Variants in ENOX1 observed in about 807,000 individuals in gnomAD.
The protein encoded by ENOX1 is ecto-NOX disulfide-thiol exchanger 1, also known as candidate growth-related and time keeping constitutive hydroquinone (NADH) oxidase.
In ENOX1, 42 loss-of-function variants were observed where a neutral mutation model predicts 82.5. That is an observed-to-expected ratio of 0.51 (90% CI 0.40 to 0.66). The LOEUF (loss-of-function observed/expected upper bound fraction) is 0.66. Among genes scored for constraint, ENOX1 ranks in the 30% least tolerant of loss-of-function variants. The pLI is 0.00. For synonymous variants in ENOX1, 271 were observed against 282.2 expected (o/e 0.96, Z 0.40); for missense variants, 608 against 811.6 (o/e 0.75, Z 3.05).
chr13:43,264,739 G>A (rs1387278230), intron 14 of ENOX1, among the ~76,000 whole-genome samples: 2 of 152,132 alleles, frequency 1.3e-5, no homozygotes, highest in African/African-American at 4.8e-5. Flanking sequence ...CATATGGAGA[G>A]GCAATGATCT....
chr13:43,262,161 A>T (rs2044109715), intron 14 of ENOX1, among the ~76,000 whole-genome samples: 1 of 152,180 alleles, frequency 6.6e-6, no homozygotes, highest in African/African-American at 2.4e-5. Flanking sequence ...AAACTAAAAT[A>T]AAGCGTTAAT....
At chr13:43,392,973 T>A (rs1409602513) in intron 5 of ENOX1, among the ~76,000 whole-genome samples, 5 of 152,194 alleles carry the variant, frequency 3.3e-5, no homozygotes, top group African/African-American at 1.2e-4. Flanking sequence ...TGGAGTGGGA[T>A]GGGTCCCTAT....
At chr13:43,514,794 G>A (rs747185275) in intron 2 of ENOX1, among the ~76,000 whole-genome samples, 6 of 152,096 alleles carry the variant, frequency 3.9e-5, no homozygotes, top group African/African-American at 4.8e-5. Flanking sequence ...TATGTCTGCT[G>A]AGCATTGGAA....
chr13:43,404,638 T>A (rs1240417790), intron 5 of ENOX1, among the ~76,000 whole-genome samples: 4 of 152,226 alleles, frequency 2.6e-5, no homozygotes, highest in African/African-American at 9.6e-5. Context: ...TTTGATAACA[T>A]CTTCTTTAGA....
intron 12 of ENOX1, among the ~76,000 whole-genome samples, chr13:43,270,952 G>C (rs1294395776): frequency 6.6e-6 from 1 of 152,120 alleles, no homozygotes; most frequent in Non-Finnish European, 1.5e-5. Flanking sequence ...TTGCACTTTG[G>C]CACAGTGACA....
Position 43,285,718 on chromosome 13 carries a change from T to TAGAATA in ENOX1, c.1446+12622_1446+12627dup, listed in dbSNP as rs568936128. On this transcript the variant is annotated intron_variant, in intron 12 of 16. Coordinates refer to ENST00000690772, the MANE Select transcript of ENOX1 (RefSeq NM_001347969.2). ...CACTCAGGAGGCTGAGGCAGGAGAA[T>TAGAATA]AGAATAGCTTGGACCTGGTAGGCAG... Among the ~76,000 whole-genome samples the TAGAATA allele has an allele frequency of 3.6e-3, 497 of 139,822 alleles. 5 individuals carry two copies. The highest frequency in any genetic ancestry group is 3.0e-3 in the South Asian group (14 of 4,606). 91.7% of individuals were successfully genotyped at this position (139,822 alleles called of 152,430 possible).
At chr13:43,492,241 T>C (rs762183036) in intron 2 of ENOX1, among the ~76,000 whole-genome samples, 2 of 152,190 alleles carry the variant, frequency 1.3e-5, no homozygotes, top group Non-Finnish European at 2.9e-5. Flanking sequence ...CTTGGAAATA[T>C]ATTCTGCCCC....
intron 2 of ENOX1, chr13:43,545,780 CAGA>C (rs1417007143): frequency 6.6e-6 from 1 of 152,212 alleles, no homozygotes; most frequent in Admixed American, 6.5e-5. Flanking sequence ...AAAGATGTTT[CAGA>C]AGAAGATGTC....
chr13:43,299,315 A>G (rs1250689346), intron 11 of ENOX1, among the ~76,000 whole-genome samples: 1 of 152,164 alleles, frequency 6.6e-6, no homozygotes, highest in Non-Finnish European at 1.5e-5. Context: ...GGTACCAAAC[A>G]AAGATTGAGG....
intron 14 of ENOX1, among the ~76,000 whole-genome samples, chr13:43,242,834 C>A (rs1163694448): frequency 6.6e-6 from 1 of 152,188 alleles, no homozygotes; most frequent in African/African-American, 2.4e-5. Flanking sequence ...TGTAAAGCTT[C>A]ATTTAAAGAA....
chr13:43,450,066 G>T (rs1047961208), intron 3 of ENOX1, among the ~76,000 whole-genome samples: 1 of 152,192 alleles, frequency 6.6e-6, no homozygotes, highest in Non-Finnish European at 1.5e-5. Flanking sequence ...CAAAGCTTGT[G>T]CTTAAGGAGT....
At chr13:43,289,889 T>C (rs1398991617) in intron 12 of ENOX1, among the ~76,000 whole-genome samples, 1 of 151,826 alleles carries the variant, frequency 6.6e-6, no homozygotes. Context: ...AAAAGCCAAA[T>C]AACCCCATTA....
At chr13:43,632,597 C>T (rs2083265012) in intron 2 of ENOX1, among the ~76,000 whole-genome samples, 2 of 151,930 alleles carry the variant, frequency 1.3e-5, no homozygotes. Flanking sequence ...AGGCGCCTGC[C>T]ACCATGTCCA....
At chr13:43,745,334 A>C (rs751804261) in intron 1 of ENOX1, among the ~76,000 whole-genome samples, 1 of 152,238 alleles carries the variant, frequency 6.6e-6, no homozygotes, top group Admixed American at 6.5e-5. Context: ...AGAAAATAAC[A>C]TTAAATGAAA....
chr13:43,545,405 ATC>A (rs1281841703), intron 2 of ENOX1: 2 of 152,190 alleles, frequency 1.3e-5, no homozygotes, highest in African/African-American at 4.8e-5. Context: ...CACAAAAATC[ATC>A]TTTTTGTAAA....
intron 1 of ENOX1, among the ~76,000 whole-genome samples, chr13:43,773,338 ATTTCACCTCATT>A (rs774427702): frequency 4.6e-5 from 7 of 152,214 alleles, no homozygotes; most frequent in Admixed American, 2.0e-4. Context: ...TGTCATGTGA[ATTTCACCTCATT>A]TTTTTTACAT....
chr13:43,341,901 T>A (rs2049087384), intron 9 of ENOX1, among the ~76,000 whole-genome samples: 1 of 152,188 alleles, frequency 6.6e-6, no homozygotes, highest in South Asian at 2.1e-4. Flanking sequence ...GGAAGTTGGC[T>A]GGGGATGGAT....
chr13:43,696,423 G>A (rs2086642336), intron 1 of ENOX1, among the ~76,000 whole-genome samples: 1 of 152,144 alleles, frequency 6.6e-6, no homozygotes, highest in Non-Finnish European at 1.5e-5. Context: ...ATATATTTTG[G>A]TTCCTTCTGT....
At chr13:43,780,230 A>G (rs970695717) in intron 1 of ENOX1, among the ~76,000 whole-genome samples, 1 of 152,062 alleles carries the variant, frequency 6.6e-6, no homozygotes, top group African/African-American at 2.4e-5. Context: ...TATATGGTAA[A>G]TGCCCAACAA....
Sources: gnomAD v4.1 joint callset for allele counts (sites outside exome capture counted in the v4.1 genomes callset) on GRCh38, gnomAD v4.1.1 for gene constraint, MANE v1.5 for transcripts, NCBI Gene and HGNC (gene_info 2026-07-23, HGNC 2026-07-21) for gene names.